TMEM132C: variants seen among roughly 807,000 people sequenced by gnomAD.
TMEM132C encodes transmembrane protein 132C.
Under a neutral mutation model 61.4 loss-of-function variants are expected in TMEM132C, and 29 were observed. The ratio of observed to expected loss-of-function variants is 0.47; its 90% CI spans 0.35 to 0.64. The LOEUF (loss-of-function observed/expected upper bound fraction) is 0.64. Ranked by LOEUF, TMEM132C falls within the 30% of genes least tolerant of loss-of-function variation. The pLI is 0.00. For synonymous variants in TMEM132C, 656 were observed against 633.1 expected, an observed-to-expected ratio of 1.04 and a Z score of -0.54; for missense variants, 1,408 against 1,476.9, an observed-to-expected ratio of 0.95 and a Z score of 0.76.
At chr12:128,554,312 A>T (rs1874265097) in intron 3 of TMEM132C, among the ~76,000 whole-genome samples, 1 of 152,142 alleles carries the variant, frequency 6.6e-6, no homozygotes, top group African/African-American at 2.4e-5. Context: ...AGGCTGTGAG[A>T]GGCGGGGAGG....
chr12:128,418,657 A>T (rs916471858), intron 2 of TMEM132C, among the ~76,000 whole-genome samples: 3 of 152,256 alleles, frequency 2.0e-5, no homozygotes, highest in African/African-American at 7.2e-5. Flanking sequence ...TCATATAACC[A>T]TAGTACAATA....
intron 2 of TMEM132C, among the ~76,000 whole-genome samples, chr12:128,522,134 A>G (rs559923655): frequency 6.6e-6 from 1 of 152,264 alleles, no homozygotes; most frequent in African/African-American, 2.4e-5. Context: ...TCCGAACCCC[A>G]TGCTATCTCA....
At chr12:128,555,867 A>G (rs1004152647) in intron 3 of TMEM132C, among the ~76,000 whole-genome samples, 1 of 152,022 alleles carries the variant, frequency 6.6e-6, no homozygotes, top group Non-Finnish European at 1.5e-5. Context: ...TGTATGCACC[A>G]CCACACCCAG....
chr12:128,506,219 G>A (rs1352865212), intron 2 of TMEM132C, among the ~76,000 whole-genome samples: 1 of 152,206 alleles, frequency 6.6e-6, no homozygotes. Flanking sequence ...GGAGAAAGCA[G>A]TGGGGAATGG....
intron 2 of TMEM132C, among the ~76,000 whole-genome samples, chr12:128,473,502 T>C (rs1871047860): frequency 6.8e-6 from 1 of 146,278 alleles, no homozygotes; most frequent in Non-Finnish European, 1.5e-5. Flanking sequence ...TCATCCTTAC[T>C]CCAGCCTCCA....
chr12:128,633,237 TA>T (rs973043158), intron 4 of TMEM132C, among the ~76,000 whole-genome samples: 1 of 152,190 alleles, frequency 6.6e-6, no homozygotes, highest in African/African-American at 2.4e-5. Flanking sequence ...CAGAGCCTTT[TA>T]TGACAGCTTC....
chr12:128,519,636 T>C (rs986705432), intron 2 of TMEM132C, among the ~76,000 whole-genome samples: 3 of 152,236 alleles, frequency 2.0e-5, no homozygotes, highest in Non-Finnish European at 4.4e-5. Flanking sequence ...CCATGTTTAT[T>C]TCTAAATCCA....
chr12:128,684,022 C>T (rs1472304097), intron 5 of TMEM132C, among the ~76,000 whole-genome samples: 2 of 149,472 alleles, frequency 1.3e-5, no homozygotes, highest in Admixed American at 1.3e-4. Context: ...GTTGGTGCCT[C>T]TTATTGAATC....
chr12:128,425,304 G>C (rs893681798), intron 2 of TMEM132C, among the ~76,000 whole-genome samples: 1 of 152,230 alleles, frequency 6.6e-6, no homozygotes, highest in African/African-American at 2.4e-5. Flanking sequence ...TCATCTGGGA[G>C]GGGCCGTAGT....
At chr12:128,379,195 G>A (rs1874322720) in intron 1 of TMEM132C, among the ~76,000 whole-genome samples, 1 of 152,214 alleles carries the variant, frequency 6.6e-6, no homozygotes, top group Non-Finnish European at 1.5e-5. Context: ...CCATCAGATG[G>A]GGTTGGGTTA....
At chr12:128,669,271 C>A in intron 4 of TMEM132C, 146 bp from the exon 5 acceptor site, 1 of 817,566 alleles carries the variant, frequency 1.2e-6, no homozygotes, top group Non-Finnish European at 1.8e-6. Context: ...ATTCCAAGTC[C>A]TGGTACAGTA....
intron 1 of TMEM132C, among the ~76,000 whole-genome samples, chr12:128,272,282 G>C (rs1363982507): frequency 7.0e-6 from 1 of 142,586 alleles, no homozygotes; most frequent in Admixed American, 6.6e-5. Flanking sequence ...GGATCATGCA[G>C]TATGCAGCTT....
chr12:128,487,129 G>A (rs1871525913), intron 2 of TMEM132C, among the ~76,000 whole-genome samples: 1 of 152,168 alleles, frequency 6.6e-6, no homozygotes, highest in South Asian at 2.1e-4. Context: ...GATTGGCTGT[G>A]CACAGATCTT....
At chr12:128,418,363 C>T (rs561524529) in intron 2 of TMEM132C, among the ~76,000 whole-genome samples, 2 of 152,246 alleles carry the variant, frequency 1.3e-5, no homozygotes, top group Admixed American at 1.3e-4. Context: ...GTACACATTT[C>T]AGAGTCTCGG....
At chr12:128,354,448 C>T (rs1341221068) in intron 1 of TMEM132C, among the ~76,000 whole-genome samples, 1 of 149,526 alleles carries the variant, frequency 6.7e-6, no homozygotes, top group Non-Finnish European at 1.5e-5. Context: ...TCCTTCCTTC[C>T]CTGCCTTCTT....
intron 1 of TMEM132C, among the ~76,000 whole-genome samples, chr12:128,379,268 T>C (rs577719160): frequency 1.3e-5 from 2 of 152,184 alleles, no homozygotes; most frequent in African/African-American, 2.4e-5. Flanking sequence ...AAAAAGATAT[T>C]GATTTCCTGG....
intron 2 of TMEM132C, among the ~76,000 whole-genome samples, chr12:128,513,384 GAT>G (rs1872625388): frequency 6.6e-6 from 1 of 152,150 alleles, no homozygotes; most frequent in Admixed American, 6.5e-5. Context: ...AATATGCCGA[GAT>G]ATAATCTCAT....
At chr12:128,688,455 A>T (rs1404690045) in intron 5 of TMEM132C, among the ~76,000 whole-genome samples, 3 of 152,030 alleles carry the variant, frequency 2.0e-5, no homozygotes, top group South Asian at 2.1e-4. Flanking sequence ...AAATGAGATT[A>T]AAAAAAAGCA....
intron 1 of TMEM132C, among the ~76,000 whole-genome samples, chr12:128,286,033 C>G (rs1345351915): frequency 2.0e-5 from 3 of 149,410 alleles, no homozygotes. Flanking sequence ...TTCTCTCTTT[C>G]TCTCCCCACC....
Sources: gnomAD v4.1 joint callset for allele counts (sites outside exome capture counted in the v4.1 genomes callset) on GRCh38, gnomAD v4.1.1 for gene constraint, MANE v1.5 for transcripts, NCBI Gene and HGNC (gene_info 2026-07-23, HGNC 2026-07-21) for gene names.